ZNF584: variants seen among roughly 807,000 people sequenced by gnomAD.
ZNF584 encodes the protein zinc finger protein 584.
A neutral mutation model predicts 14.7 loss-of-function variants in ZNF584; 12 were observed. The ratio of observed to expected loss-of-function variants is 0.82; its 90% CI spans 0.52 to 1.32. The LOEUF is 1.32. ZNF584 is among the 40% of genes most tolerant of loss of function. The pLI, the probability that ZNF584 is intolerant of heterozygous loss-of-function variation, is 0.00. For missense variants in ZNF584, 478 were observed against 518.8 expected (o/e 0.92, Z 0.76); for synonymous variants, 204 against 190.9 (o/e 1.07, Z -0.57).
chr19:58,412,510 G>A (rs929811300), intron 2 of ZNF584, among the ~76,000 whole-genome samples: 16 of 152,120 alleles, frequency 1.1e-4, no homozygotes, highest in Non-Finnish European at 2.9e-5. Context: ...CGCCCGGCCT[G>A]GCCAGGGTGG....
chr19:58,415,830 T>C (rs775858618), intron 3 of ZNF584, 184 bp downstream of exon 3: 81 of 1,602,012 alleles, frequency 5.1e-5, no homozygotes, highest in Non-Finnish European at 6.6e-5. Context: ...CCCCGCATGT[T>C]CCTGCCTCTC....
chr19:58,417,873 C>T lies in ZNF584; in HGVS notation c.*89C>T. The T allele has an allele frequency of 5.5e-6, 8 of 1,451,872 alleles. No homozygotes were observed. Among genetic ancestry groups the T allele is most frequent in the Non-Finnish European group, 7.4e-6 (8 of 1,078,126 alleles). 89.9% of individuals were successfully genotyped at this position (1,451,872 alleles called of 1,614,324 possible). ...GCCATCCGAAAGAAGCTAAACCTTG[C>T]ACATCCCAACACCCACCCCAGGGAG... On this transcript the variant is annotated 3_prime_UTR_variant, in exon 4 of 4. Transcript: ENST00000306910.
In ZNF584 at chr19:58,417,797, C is replaced by G. The variant is rs755184842; in HGVS notation, c.*13C>G. 1 of 1,580,592 alleles carries G rather than the reference C, an allele frequency of 6.3e-7. No homozygotes were observed. The highest frequency in any genetic ancestry group is 1.2e-5 in the South Asian group (1 of 84,990). ...CGTTAGCTGCTAGCACCGTGTTCAT[C>G]AGGAAAGGTCTTATTCCAGAAAGGA... On this transcript the variant is annotated 3_prime_UTR_variant, in exon 4 of 4. Coordinates refer to ENST00000306910, the MANE Select transcript of ZNF584 (RefSeq NM_173548.3).
Position 58,417,482 on chromosome 19 carries a change from G to A in ZNF584, c.964G>A (p.Gly322Arg). The change falls in exon 4 of 4, where the codon GGA becomes AGA. Residue 322 changes from glycine to arginine, a missense_variant. By Grantham distance (125) the Gly-to-Arg change is moderately radical. Around this residue, in one of 3 missense-constraint regions of ZNF584, gnomAD observed 283 missense variants for 317.3 expected, o/e 0.89. Transcript: ENST00000306910. Reference protein sequence around the residue: ...SFILHQRVHTGERPFECKQCG... With the variant: ...SFILHQRVHTRERPFECKQCG... ...CATTCTTCACCAGAGAGTTCACACT[G>A]GAGAAAGGCCTTTTGAATGCAAGCA... 1 of 1,614,226 alleles carries A rather than the reference G, an allele frequency of 6.2e-7. No individual in the cohort carries two copies. The highest frequency in any genetic ancestry group is 1.1e-5 in the South Asian group (1 of 91,090).
chr19:58,412,856 C>G (rs1314903566), intron 2 of ZNF584, among the ~76,000 whole-genome samples: 1 of 152,126 alleles, frequency 6.6e-6, no homozygotes, highest in East Asian at 1.9e-4. Context: ...TTTAGATTTT[C>G]TGTTTCTTCT....
intron 2 of ZNF584, among the ~76,000 whole-genome samples, chr19:58,411,440 C>T (rs1053073754): frequency 6.6e-6 from 1 of 151,002 alleles, no homozygotes; most frequent in Non-Finnish European, 1.5e-5. Flanking sequence ...GCAGGAGAAT[C>T]GCTTGAACCT....
At chr19:58,409,331 C>A in intron 1 of ZNF584, 166 bp downstream of exon 1, 1 of 834,446 alleles carries the variant, frequency 1.2e-6, no homozygotes, top group Non-Finnish European at 1.7e-6. Flanking sequence ...TGGAGATGTG[C>A]CGCAGGACTG....
At position 58,416,804 on chromosome 19, in the gene ZNF584, C is replaced by A. The variant is rs8110684; in HGVS notation, c.293-7C>A. ...AACTCTTAGTAATGATTCATCTCTG[C>A]TTTCAGATGGTTTGTGTAGAGTGGA... On this transcript the variant is annotated splice_region_variant and splice_polypyrimidine_tract_variant and intron_variant, in intron 3 of 3. Coordinates refer to ENST00000306910, the MANE Select transcript of ZNF584 (RefSeq NM_173548.3). 1.4e-4 allele frequency: 216 copies of A among 1,529,542 alleles called. No individual in the cohort carries two copies. In the African/African-American group the frequency reaches 2.8e-3, roughly 20 times the overall value. The allele number at this position is 1,529,542 out of a possible 1,614,324, so 94.7% of individuals were successfully genotyped here.
intron 1 of ZNF584, among the ~76,000 whole-genome samples, chr19:58,403,512 G>A (rs1023317011): frequency 1.2e-5 from 1 of 85,174 alleles, no homozygotes; most frequent in African/African-American, 3.2e-5. Flanking sequence ...GGACTCAGTG[G>A]GAGGGAGGGA....
intron 2 of ZNF584, among the ~76,000 whole-genome samples, chr19:58,411,581 T>C (rs1281656758): frequency 6.6e-6 from 1 of 152,098 alleles, no homozygotes; most frequent in Non-Finnish European, 1.5e-5. Context: ...TTTTCCAATG[T>C]CTAATGAAAT....
At chr19:58,406,742 G>C (rs915364372), upstream of ZNF584, 36 of 152,352 alleles carry the variant, frequency 2.4e-4, no homozygotes, top group African/African-American at 8.7e-4. Flanking sequence ...ACTCCAGTTG[G>C]GGGAACTCAT....
intron 2 of ZNF584, among the ~76,000 whole-genome samples, chr19:58,410,559 G>A (rs866457261): frequency 0.017 from 318 of 18,954 alleles, 65 homozygotes; most frequent in African/African-American, 0.11. Flanking sequence ...ATATATATAT[G>A]TGTATATATA....
chr19:58,417,765 G>A lies in ZNF584; in HGVS notation c.1247G>A (p.Gly416Glu). 6.2e-7 allele frequency: 1 copy of A among 1,609,976 alleles called. No individual in the cohort carries two copies. ...AGGCGTCAGGAGGACAGGGCACATG[G>A]GAAGGTCGTTAGCTGCTAGCACCGT... ...PERRQEDRAH[G>E]KVVSC is the part of the protein sequence containing the mutation. The change falls in exon 4 of 4, where the codon GGG becomes GAG. Residue 416 changes from glycine (G) to glutamate (E), a missense_variant. By Grantham distance (98) the Gly-to-Glu change is moderately conservative. Around this residue, in one of 3 missense-constraint regions of ZNF584, gnomAD observed 283 missense variants for 317.3 expected, o/e 0.89. Transcript: ENST00000306910.
At chr19:58,410,539 A>AATTTTTTTTTTT in intron 2 of ZNF584, among the ~76,000 whole-genome samples, 16 of 38,692 alleles carry the variant, frequency 4.1e-4, no homozygotes, top group South Asian at 7.2e-4. Context: ...ATATATATAT[A>AATTTTTTTTTTT]TATATATATA....
At chr19:58,408,558 T>A (rs1218581372), upstream of ZNF584, 4 of 152,350 alleles carry the variant, frequency 2.6e-5, no homozygotes, top group African/African-American at 9.6e-5. Flanking sequence ...TGGGCCGCCA[T>A]TGGCCAAGTC....
intron 1 of ZNF584, 46 bp downstream of exon 1, chr19:58,409,211 G>A (rs1436484604): frequency 1.4e-6 from 2 of 1,396,672 alleles, no homozygotes; most frequent in Admixed American, 3.3e-5. Flanking sequence ...CACCAGGTGG[G>A]GGGCGGCGTG....
intron 2 of ZNF584, among the ~76,000 whole-genome samples, chr19:58,414,691 T>C (rs1242703780): frequency 6.6e-6 from 1 of 152,084 alleles, no homozygotes; most frequent in East Asian, 1.9e-4. Context: ...GACCGTTCCA[T>C]GTGCACGTGA....
upstream of ZNF584, chr19:58,406,939 G>A (rs1238818093): frequency 1.3e-5 from 2 of 152,600 alleles, no homozygotes; most frequent in African/African-American, 4.8e-5. Flanking sequence ...TGCAAGGACT[G>A]AGGATATGGG....
At chr19:58,404,242 CTTTTTTT>C (rs58552279), upstream of ZNF584, 1 of 142,834 alleles carries the variant, frequency 7.0e-6, no homozygotes, top group Admixed American at 7.0e-5. Flanking sequence ...TTTTTTTTTT[CTTTTTTT>C]TTTATTGATC....
Sources: gnomAD v4.1 joint callset for allele counts (sites outside exome capture counted in the v4.1 genomes callset) on GRCh38, gnomAD v4.1.1 for gene constraint, gnomAD v4.1.1 regional missense constraint, MANE v1.5 for transcripts, NCBI Gene and HGNC (gene_info 2026-07-23, HGNC 2026-07-21) for gene names.